The following STIM1 variants were observed in gnomAD, a reference collection of about 807,000 sequenced individuals.
STIM1 encodes stromal interaction molecule 1.
STIM1 carries 25 observed loss-of-function variants against 74.7 expected under a neutral mutation model. The observed-to-expected ratio is 0.33, with a 90% CI of 0.24 to 0.47. The LOEUF (loss-of-function observed/expected upper bound fraction) is 0.47, where lower values mean the gene tolerates loss of function less well. Ranked by LOEUF, STIM1 falls within the 20% of genes least tolerant of loss-of-function variation. The probability of loss-of-function intolerance (pLI) is 1.00; values close to 1 mark genes in which losing one functional copy is unlikely to be tolerated. For synonymous variants in STIM1, 328 were observed against 348.8 expected, an observed-to-expected ratio of 0.94 and a Z score of 0.66; for missense variants, 728 against 920.8, an observed-to-expected ratio of 0.79 and a Z score of 2.71.
Position 4,086,829 on chromosome 11 carries a change from C to T in STIM1, c.1634+286C>T, listed in dbSNP as rs376784614. ...CTGACACACCCCCTTCTGACAGCACCGCTGTGATGCCTGGGCATTCAGAGA... is the reference window on the plus strand; with the variant it reads ...CTGACACACCCCCTTCTGACAGCACTGCTGTGATGCCTGGGCATTCAGAGA... On this transcript the variant is annotated intron_variant, in intron 12 of 12. Transcript: ENST00000526596. 164 of 1,535,588 alleles carry T rather than the reference C, an allele frequency of 1.1e-4. 2 individuals carry two copies. Among genetic ancestry groups the T allele is most frequent in the South Asian group, 8.8e-4 (74 of 84,034 alleles).
rs926323027 is a variant in STIM1 at position 3,918,233 on chromosome 11, C to G, written c.140-49319C>G. On this transcript the variant is annotated intron_variant, in intron 1 of 12. Transcript: ENST00000526596. ...CCTAACAGCTTATTGAAAGATACAA[C>G]AGGCCTGGCATGTTGGTTCAAGCCT... 3.9e-5 allele frequency among the ~76,000 whole-genome samples: 6 copies of G among 152,122 alleles called. No individual in the cohort carries two copies. In the East Asian group the frequency reaches 1.2e-3, roughly 29 times the overall value.
chr11:4,014,481 A>G (rs1590648901), intron 2 of STIM1, among the ~76,000 whole-genome samples: 1 of 152,188 alleles, frequency 6.6e-6, no homozygotes, highest in Non-Finnish European at 1.5e-5. Flanking sequence ...TATGTGGTCA[A>G]TTTTAGAATA....
chr11:4,004,158 A>G (rs911494401), intron 2 of STIM1, among the ~76,000 whole-genome samples: 3 of 152,228 alleles, frequency 2.0e-5, no homozygotes, highest in Non-Finnish European at 2.9e-5. Flanking sequence ...GAAAATGGCC[A>G]TGCTGCCCAA....
intron 2 of STIM1, chr11:3,989,279 T>C: frequency 2.2e-6 from 2 of 921,722 alleles, no homozygotes; most frequent in East Asian, 4.8e-5. Context: ...TCGGCCTGTT[T>C]TCCCTTTGCT....
chr11:3,945,780 G>A (rs2093064872), intron 1 of STIM1, among the ~76,000 whole-genome samples: 1 of 152,196 alleles, frequency 6.6e-6, no homozygotes, highest in South Asian at 2.1e-4. Flanking sequence ...AATTTATAAA[G>A]AAAAGAGGTT....
At chr11:4,018,737 A>G (rs1038101580) in intron 2 of STIM1, among the ~76,000 whole-genome samples, 1 of 151,236 alleles carries the variant, frequency 6.6e-6, no homozygotes, top group Non-Finnish European at 1.5e-5. Context: ...TTACCACCTT[A>G]CTCATTTCTC....
chr11:3,985,514 T>G (rs2093550199), intron 2 of STIM1, among the ~76,000 whole-genome samples: 1 of 152,140 alleles, frequency 6.6e-6, no homozygotes, highest in Non-Finnish European at 1.5e-5. Flanking sequence ...AGGAGCAGGT[T>G]AGGGACAAAG....
At chr11:3,919,881 C>G (rs1470827095) in intron 1 of STIM1, among the ~76,000 whole-genome samples, 1 of 152,056 alleles carries the variant, frequency 6.6e-6, no homozygotes, top group Non-Finnish European at 1.5e-5. Flanking sequence ...GGTTCAAGAC[C>G]AGCCTGGACA....
chr11:3,918,168 C>G (rs150721550), intron 1 of STIM1, among the ~76,000 whole-genome samples: 1 of 152,198 alleles, frequency 6.6e-6, no homozygotes, highest in East Asian at 1.9e-4. Context: ...GGCTTTCTCC[C>G]ATGTAGTGGC....
chr11:3,981,089 C>T (rs142819254), intron 2 of STIM1, among the ~76,000 whole-genome samples: 1 of 151,004 alleles, frequency 6.6e-6, no homozygotes, highest in East Asian at 1.9e-4. Flanking sequence ...CCTCTGCCTC[C>T]CAGGTTCCGA....
intron 1 of STIM1, among the ~76,000 whole-genome samples, chr11:3,925,948 T>A (rs577855185): frequency 6.1e-4 from 93 of 152,350 alleles, no homozygotes; most frequent in Admixed American, 2.0e-3. Context: ...TATCTTTTGA[T>A]AATTTTGAAT....
chr11:3,901,515 T>A (rs1391087062), intron 1 of STIM1, among the ~76,000 whole-genome samples: 1 of 152,168 alleles, frequency 6.6e-6, no homozygotes, highest in African/African-American at 2.4e-5. Flanking sequence ...CCTCCATGGC[T>A]CCTTTTCAAA....
At chr11:4,057,673 A>AT (rs2094300607) in intron 4 of STIM1, among the ~76,000 whole-genome samples, 1 of 152,170 alleles carries the variant, frequency 6.6e-6, no homozygotes, top group Admixed American at 6.5e-5. Flanking sequence ...GATCGAGACT[A>AT]TCCTGGCTAA....
intron 1 of STIM1, among the ~76,000 whole-genome samples, chr11:3,926,002 C>T (rs942191532): frequency 7.9e-5 from 12 of 152,050 alleles, no homozygotes; most frequent in Non-Finnish European, 1.3e-4. Flanking sequence ...TTGTTTTCGT[C>T]CTGTAATATA....
At chr11:3,874,116 G>T (rs1029647579) in intron 1 of STIM1, among the ~76,000 whole-genome samples, 1 of 152,186 alleles carries the variant, frequency 6.6e-6, no homozygotes, top group African/African-American at 2.4e-5. Flanking sequence ...AATCTACAGT[G>T]ATGTAATGTT....
chr11:3,943,886 A>G (rs2093040554), intron 1 of STIM1, among the ~76,000 whole-genome samples: 1 of 152,254 alleles, frequency 6.6e-6, no homozygotes, highest in Non-Finnish European at 1.5e-5. Flanking sequence ...TATCACGTAT[A>G]TACACAGATT....
intron 1 of STIM1, among the ~76,000 whole-genome samples, chr11:3,962,558 C>T (rs373396270): frequency 2.0e-5 from 3 of 151,876 alleles, no homozygotes; most frequent in Non-Finnish European, 4.4e-5. Flanking sequence ...TAAATAGTGC[C>T]GCAACAGACA....
At chr11:4,066,848 A>T (rs927913136) in intron 5 of STIM1, among the ~76,000 whole-genome samples, 2 of 152,184 alleles carry the variant, frequency 1.3e-5, no homozygotes, top group Non-Finnish European at 2.9e-5. Flanking sequence ...AAGAATGGGA[A>T]TGGGATTATA....
At chr11:3,877,905 T>C (rs2091358570) in intron 1 of STIM1, among the ~76,000 whole-genome samples, 1 of 152,202 alleles carries the variant, frequency 6.6e-6, no homozygotes, top group South Asian at 2.1e-4. Flanking sequence ...ACTGATGCTT[T>C]CTCTTCTAGT....
Sources: gnomAD v4.1 joint callset for allele counts (sites outside exome capture counted in the v4.1 genomes callset) on GRCh38, gnomAD v4.1.1 for gene constraint, MANE v1.5 for transcripts, NCBI Gene and HGNC (gene_info 2026-07-23, HGNC 2026-07-21) for gene names.